Variants in HMGB1 observed in about 807,000 individuals in gnomAD.
The protein encoded by HMGB1 is high mobility group protein B1.
For synonymous variants in HMGB1, 81 were observed against 84.0 expected (o/e 0.96, Z 0.19); for missense variants, 79 against 253.5 (o/e 0.31, Z 4.67).
intron 1 of HMGB1, among the ~76,000 whole-genome samples, chr13:30,609,189 G>C (rs761991947): frequency 6.6e-6 from 1 of 152,226 alleles, no homozygotes; most frequent in Non-Finnish European, 1.5e-5. Context: ...CGTGAACCCG[G>C]AAGGCGGAGC....
chr13:30,568,181 G>A (rs1261514504), intron 1 of HMGB1, among the ~76,000 whole-genome samples: 2 of 152,106 alleles, frequency 1.3e-5, no homozygotes, highest in African/African-American at 4.8e-5. Context: ...ATGTCCATGT[G>A]TTAACCCTGG....
chr13:30,583,063 T>C (rs540488904), intron 1 of HMGB1, among the ~76,000 whole-genome samples: 45 of 152,132 alleles, frequency 3.0e-4, no homozygotes, highest in Admixed American at 5.2e-4. Context: ...GACGGGGTCT[T>C]GCCATGTTGC....
At chr13:30,592,780 C>G (rs1156244346) in intron 1 of HMGB1, among the ~76,000 whole-genome samples, 1 of 151,058 alleles carries the variant, frequency 6.6e-6, no homozygotes. Flanking sequence ...ACTTAAAAAA[C>G]ATTTTCCATT....
In HMGB1 at chr13:30,583,471, C is replaced by A. The variant is rs192410464; in HGVS notation, c.-15+33200G>T. Among the ~76,000 whole-genome samples the A allele has an allele frequency of 1.7e-3, 240 of 138,606 alleles. 1 individual carries two copies. The highest frequency in any genetic ancestry group is 6.3e-3 in the African/African-American group (229 of 36,254). 90.9% of individuals were successfully genotyped at this position (138,606 alleles called of 152,430 possible). On this transcript the variant is annotated intron_variant, in intron 1 of 4. Transcript: ENST00000405805. ...ACTTGAGCCCTGGAGGTCAAGGCAGCAGTGAGCTGTGATTATGCCACTACA... is the reference window on the plus strand; with the variant it reads ...ACTTGAGCCCTGGAGGTCAAGGCAGAAGTGAGCTGTGATTATGCCACTACA...
intron 1 of HMGB1, chr13:30,554,017 T>C: frequency 6.8e-7 from 1 of 1,481,238 alleles, no homozygotes; most frequent in Non-Finnish European, 9.4e-7. Flanking sequence ...AACCGCATTG[T>C]GGAGAAAGAA....
intron 1 of HMGB1, among the ~76,000 whole-genome samples, chr13:30,603,457 C>T (rs971644924): frequency 1.3e-5 from 2 of 152,168 alleles, no homozygotes; most frequent in Non-Finnish European, 2.9e-5. Context: ...ATTTAGGCAT[C>T]GTTTCTTCTG....
Position 30,594,083 on chromosome 13 carries a change from G to GA in HMGB1, c.-15+22587dup, listed in dbSNP as rs538614623. ...ATGTAAGTTACCCTTAAATGGCTTA[G>GA]AAAAAAATGTGTGTATATTCATTTA... is the stretch of plus-strand genomic sequence containing the variant. On this transcript the variant is annotated intron_variant, in intron 1 of 4. Transcript: ENST00000405805. Among the ~76,000 whole-genome samples, 54 of 152,286 alleles carry GA rather than the reference G, an allele frequency of 3.5e-4. No individual in the cohort carries two copies. The South Asian group carries it at 4.3e-3, about 12-fold the overall frequency.
intron 1 of HMGB1, among the ~76,000 whole-genome samples, chr13:30,523,797 G>T (rs1888293700): frequency 6.6e-6 from 1 of 151,032 alleles, no homozygotes. Context: ...CTGGAGTGCA[G>T]TGGTGCCATC....
intron 1 of HMGB1, chr13:30,554,610 A>G: frequency 1.3e-6 from 1 of 771,872 alleles, no homozygotes; most frequent in Non-Finnish European, 2.4e-6. Context: ...GAAAAATACA[A>G]TGGGAACAGA....
intron 1 of HMGB1, among the ~76,000 whole-genome samples, chr13:30,582,239 C>A (rs1262548452): frequency 6.6e-6 from 1 of 152,154 alleles, no homozygotes; most frequent in Non-Finnish European, 1.5e-5. Context: ...CACAACTTAT[C>A]CTTGTTTCTT....
chr13:30,528,083 G>A (rs946708472), intron 1 of HMGB1, among the ~76,000 whole-genome samples: 5 of 152,190 alleles, frequency 3.3e-5, no homozygotes, highest in African/African-American at 1.2e-4. Flanking sequence ...ATCCTCATGC[G>A]GTCTTAACAA....
intron 1 of HMGB1, chr13:30,464,125 C>T (rs1385883051): frequency 1.0e-6 from 1 of 957,958 alleles, no homozygotes; most frequent in Non-Finnish European, 1.2e-6. Context: ...CGAGTCGACT[C>T]TTCCTAATTA....
At chr13:30,602,643 C>T (rs1463385833) in intron 1 of HMGB1, among the ~76,000 whole-genome samples, 1 of 152,166 alleles carries the variant, frequency 6.6e-6, no homozygotes, top group East Asian at 1.9e-4. Context: ...AGCCAGCTGG[C>T]TTTATTATCT....
At chr13:30,476,880 A>AAT in intron 1 of HMGB1, among the ~76,000 whole-genome samples, 1 of 151,708 alleles carries the variant, frequency 6.6e-6, no homozygotes, top group East Asian at 1.9e-4. Context: ...AAAAAAAAAA[A>AAT]AGATTTTGTT....
intron 1 of HMGB1, among the ~76,000 whole-genome samples, chr13:30,472,836 A>G (rs1886976939): frequency 1.4e-5 from 2 of 147,568 alleles, no homozygotes; most frequent in African/African-American, 4.9e-5. Context: ...CATACTAAGG[A>G]TCACACATAC....
chr13:30,579,529 A>G (rs368606986), intron 1 of HMGB1, among the ~76,000 whole-genome samples: 3 of 152,364 alleles, frequency 2.0e-5, no homozygotes, highest in South Asian at 2.1e-4. Flanking sequence ...AGATTAAATG[A>G]GATGTGAAAA....
chr13:30,554,700 G>T, intron 1 of HMGB1: 4 of 770,606 alleles, frequency 5.2e-6, no homozygotes, highest in Non-Finnish European at 9.7e-6. Flanking sequence ...CAGTGAGAAT[G>T]CTCTACGGAA....
At chr13:30,523,938 G>A (rs557901142) in intron 1 of HMGB1, among the ~76,000 whole-genome samples, 3 of 152,012 alleles carry the variant, frequency 2.0e-5, no homozygotes, top group African/African-American at 4.8e-5. Flanking sequence ...GAGAGGGGGT[G>A]TATTAGTCCA....
intron 1 of HMGB1, among the ~76,000 whole-genome samples, chr13:30,566,636 G>A (rs967480398): frequency 1.3e-4 from 20 of 152,140 alleles, no homozygotes; most frequent in African/African-American, 4.1e-4. Context: ...ATGATATCTC[G>A]ATCCAATTTA....
Sources: allele counts gnomAD v4.1 joint callset (sites outside exome capture counted in the v4.1 genomes callset), GRCh38; gene constraint gnomAD v4.1.1; transcripts MANE v1.5; gene names NCBI Gene and HGNC (gene_info 2026-07-23, HGNC 2026-07-21).